DLG2: variants seen among roughly 807,000 people sequenced by gnomAD.
DLG2 encodes the protein disks large homolog 2.
DLG2 carries 45 observed loss-of-function variants against 132.5 expected under a neutral mutation model. That is an observed-to-expected ratio of 0.34 (90% confidence interval 0.27 to 0.44). The LOEUF (loss-of-function observed/expected upper bound fraction) is 0.44, where lower values mean the gene tolerates loss of function less well. DLG2 is among the 20% of genes least tolerant of loss of function. DLG2 has a pLI of 1.00. For synonymous variants in DLG2, 424 were observed against 419.6 expected (o/e 1.01, Z -0.13); for missense variants, 1,045 against 1,196.9 (o/e 0.87, Z 1.87).
At chr11:85,455,303 T>G (rs201526704) in intron 3 of DLG2, among the ~76,000 whole-genome samples, 14 of 152,272 alleles carry the variant, frequency 9.2e-5, no homozygotes, top group Admixed American at 3.9e-4. Context: ...CGGGATTGTG[T>G]TCCTGATTTG....
intron 10 of DLG2, among the ~76,000 whole-genome samples, chr11:84,066,551 G>T (rs1471115286): frequency 6.6e-6 from 1 of 152,162 alleles, no homozygotes; most frequent in East Asian, 1.9e-4. Flanking sequence ...CCTGAGGTCA[G>T]GAGTTCGAGA....
At chr11:84,922,593 T>C (rs2092805378) in intron 6 of DLG2, among the ~76,000 whole-genome samples, 1 of 152,158 alleles carries the variant, frequency 6.6e-6, no homozygotes, top group Non-Finnish European at 1.5e-5. Context: ...AAATCATTTG[T>C]TGATATGCAC....
rs565064575 is a variant in DLG2 at position 84,739,344 on chromosome 11, A to AT, written c.358-204614dup. ...TTTAATCAAAGTAACTCCCAAATCAATTTTTTCCTAAACAAGTGTTATTAC... is the reference window on the plus strand; with the variant it reads ...TTTAATCAAAGTAACTCCCAAATCAATTTTTTTCCTAAACAAGTGTTATTAC... On this transcript the variant is annotated intron_variant, in intron 6 of 27. Transcript: ENST00000376104. Among the ~76,000 whole-genome samples the AT allele has an allele frequency of 3.3e-5, 5 of 152,178 alleles. No homozygotes were observed. In the South Asian group the frequency reaches 1.0e-3, roughly 32 times the overall value.
intron 3 of DLG2, among the ~76,000 whole-genome samples, chr11:85,486,529 T>C (rs2512802): frequency 6.6e-6 from 1 of 152,168 alleles, no homozygotes; most frequent in Non-Finnish European, 1.5e-5. Context: ...GGAAATTTTT[T>C]AGCCCAGTCT....
chr11:85,343,665 TACAC>T (rs756096356), intron 3 of DLG2, among the ~76,000 whole-genome samples: 7 of 151,444 alleles, frequency 4.6e-5, no homozygotes, highest in South Asian at 2.1e-4. Flanking sequence ...CGCACATACA[TACAC>T]ACACACACAC....
At chr11:84,714,599 T>C (rs199979315) in intron 6 of DLG2, among the ~76,000 whole-genome samples, 877 of 83,216 alleles carry the variant, frequency 0.011, 2 homozygotes, top group African/African-American at 0.012. Context: ...TTCTCTTTCT[T>C]TCTCTTTCTC....
chr11:84,149,892 G>C (rs1484705233), intron 9 of DLG2, among the ~76,000 whole-genome samples: 1 of 151,948 alleles, frequency 6.6e-6, no homozygotes, highest in Non-Finnish European at 1.5e-5. Flanking sequence ...TGAGTAGCTG[G>C]GATTACAGGC....
At chr11:84,031,376 T>A (rs1336810660) in intron 11 of DLG2, among the ~76,000 whole-genome samples, 2 of 152,172 alleles carry the variant, frequency 1.3e-5, no homozygotes, top group African/African-American at 4.8e-5. Context: ...TAAGGGTTCA[T>A]AGTTTTTATT....
chr11:83,467,810 T>TATATATATATATACAC (rs1414160515), intron 25 of DLG2, among the ~76,000 whole-genome samples: 19 of 96,284 alleles, frequency 2.0e-4, no homozygotes, highest in Non-Finnish European at 3.0e-4. Flanking sequence ...TATATATATA[T>TATATATATATATACAC]ACACACACAC....
intron 5 of DLG2, among the ~76,000 whole-genome samples, chr11:85,117,041 G>T (rs906332172): frequency 2.0e-5 from 3 of 151,940 alleles, no homozygotes; most frequent in Non-Finnish European, 4.4e-5. Flanking sequence ...GAGATAACGT[G>T]GCAAATTGGT....
chr11:83,884,730 A>T (rs1329418983), intron 15 of DLG2, among the ~76,000 whole-genome samples: 2 of 152,146 alleles, frequency 1.3e-5, no homozygotes, highest in Admixed American at 6.5e-5. Flanking sequence ...ACACAGCCAG[A>T]TACTCCTCTG....
intron 7 of DLG2, among the ~76,000 whole-genome samples, chr11:84,413,596 C>G (rs1372105604): frequency 6.6e-6 from 1 of 152,176 alleles, no homozygotes; most frequent in Non-Finnish European, 1.5e-5. Context: ...AGTCAAATCT[C>G]CAACCTACCT....
chr11:84,375,242 T>G (rs1320540353), intron 7 of DLG2, among the ~76,000 whole-genome samples: 2 of 152,228 alleles, frequency 1.3e-5, no homozygotes, highest in Non-Finnish European at 2.9e-5. Context: ...GTTCTTGTCT[T>G]ATTAATCTTT....
chr11:84,926,457 T>C (rs184333965), intron 6 of DLG2, among the ~76,000 whole-genome samples: 169 of 152,148 alleles, frequency 1.1e-3, no homozygotes, highest in Non-Finnish European at 5.2e-4. Flanking sequence ...AAGATATATA[T>C]ACATATTCTT....
intron 19 of DLG2, among the ~76,000 whole-genome samples, chr11:83,549,866 T>C (rs923618342): frequency 6.6e-6 from 1 of 152,214 alleles, no homozygotes; most frequent in African/African-American, 2.4e-5. Context: ...ATTCACTATG[T>C]GATCTTGAGT....
At chr11:84,482,018 A>G (rs2099139111) in intron 7 of DLG2, among the ~76,000 whole-genome samples, 1 of 152,174 alleles carries the variant, frequency 6.6e-6, no homozygotes, top group African/African-American at 2.4e-5. Flanking sequence ...GCATTAAATT[A>G]TCTATTTTTC....
intron 15 of DLG2, among the ~76,000 whole-genome samples, chr11:83,920,489 C>A (rs2625521): frequency 5.9e-5 from 9 of 151,964 alleles, no homozygotes; most frequent in African/African-American, 1.9e-4. Flanking sequence ...TCTCCCTTCA[C>A]AATTCACTGG....
At chr11:84,972,891 C>G (rs768656446) in intron 6 of DLG2, among the ~76,000 whole-genome samples, 46 of 152,088 alleles carry the variant, frequency 3.0e-4, no homozygotes, top group Non-Finnish European at 6.2e-4. Flanking sequence ...AATTTTTAGT[C>G]CCACTGTCCA....
At chr11:84,058,045 C>T (rs1566264001) in intron 11 of DLG2, among the ~76,000 whole-genome samples, 1 of 152,104 alleles carries the variant, frequency 6.6e-6, no homozygotes, top group African/African-American at 2.4e-5. Context: ...GCAGGCCCAA[C>T]TAAGATGACT....
Sources: allele counts gnomAD v4.1 joint callset (sites outside exome capture counted in the v4.1 genomes callset), GRCh38; gene constraint gnomAD v4.1.1; transcripts MANE v1.5; gene names NCBI Gene and HGNC (gene_info 2026-07-23, HGNC 2026-07-21).